The following ULK1 variants were observed in gnomAD, a reference collection of about 807,000 sequenced individuals.
The protein encoded by ULK1 is serine/threonine-protein kinase ULK1.
In ULK1, 48 loss-of-function variants were observed where a neutral mutation model predicts 117.5. The observed-to-expected ratio is 0.41, with a 90% CI of 0.32 to 0.52. The LOEUF is 0.52. Among genes scored for constraint, ULK1 ranks in the 20% least tolerant of loss-of-function variants. ULK1 has a pLI of 0.29. For missense variants in ULK1, 1,387 were observed against 1,473.4 expected, an observed-to-expected ratio of 0.94 and a Z score of 0.96; for synonymous variants, 790 against 637.8, an observed-to-expected ratio of 1.24 and a Z score of -3.60.
Position 131,917,458 on chromosome 12 carries a change from G to GCTGCAC in ULK1, c.2230_2231insCTGCAC (p.Gly744delinsAlaAlaArg). 1 of 1,531,568 alleles carries GCTGCAC rather than the reference G, an allele frequency of 6.5e-7. No homozygotes were observed. Among genetic ancestry groups the GCTGCAC allele is most frequent in the Non-Finnish European group, 8.8e-7 (1 of 1,140,008 alleles). 94.9% of individuals were successfully genotyped at this position (1,531,568 alleles called of 1,614,324 possible). Reference sequence around the variant, plus strand: ...GAGCCTGCACCCAGGAGCCCGTGCTGGGGGCACCAGCAGCCCTTCCCCGGT... The same window carrying GCTGCAC: ...GAGCCTGCACCCAGGAGCCCGTGCTGCTGCACGGGGCACCAGCAGCCCTTCCCCGGT... On this transcript the variant is annotated protein_altering_variant, in exon 22 of 28. Transcript: ENST00000321867.
chr12:131,908,863 G>C lies in ULK1; in HGVS notation c.491-35G>C, dbSNP rs370336430. Reference sequence around the variant, plus strand: ...GCGGGCCCGGCGGGGAGGGGCTCCGGGGCCGGCGCCGGTCCTGACGCTTCT... The same window carrying C: ...GCGGGCCCGGCGGGGAGGGGCTCCGCGGCCGGCGCCGGTCCTGACGCTTCT... On this transcript the variant is annotated intron_variant, in intron 6 of 27. Coordinates refer to ENST00000321867, the MANE Select transcript of ULK1 (RefSeq NM_003565.4). 1.4e-5 allele frequency: 23 copies of C among 1,607,066 alleles called. No individual in the cohort carries two copies. In the African/African-American group the frequency reaches 2.7e-4, roughly 19 times the overall value.
chr12:131,916,388 G>A lies in ULK1; in HGVS notation c.1879-10G>A, dbSNP rs1348728189. The A allele has an allele frequency of 1.3e-6, 2 of 1,555,916 alleles. No homozygotes were observed. The highest frequency in any genetic ancestry group is 1.2e-5 in the South Asian group (1 of 84,080). Reference sequence around the variant, plus strand: ...GCGGGGCAGTCTTCACCCCATCTCTGTCCTCCTAGGCTGTGCCCTCCTTTG... The same window carrying A: ...GCGGGGCAGTCTTCACCCCATCTCTATCCTCCTAGGCTGTGCCCTCCTTTG... On this transcript the variant is annotated splice_polypyrimidine_tract_variant and intron_variant, in intron 19 of 27. Coordinates refer to ENST00000321867, the MANE Select transcript of ULK1 (RefSeq NM_003565.4).
chr12:131,907,568 G>T, intron 5 of ULK1, 37 bp downstream of exon 5: 3 of 1,599,038 alleles, frequency 1.9e-6, no homozygotes, highest in South Asian at 1.1e-5. Context: ...CTGCCAGCCG[G>T]TCCCACAGGG....
At chr12:131,896,319 A>G (rs1888868503) in intron 3 of ULK1, among the ~76,000 whole-genome samples, 1 of 152,084 alleles carries the variant, frequency 6.6e-6, no homozygotes, top group Non-Finnish European at 1.5e-5. Context: ...TGGCTGGCCA[A>G]GGAGATGACC....
chr12:131,917,493 C>A lies in ULK1; in HGVS notation c.2265C>A (p.Thr755=), dbSNP rs376618136. The A allele has an allele frequency of 6.7e-7, 1 of 1,498,248 alleles. No individual in the cohort carries two copies. 92.8% of individuals were successfully genotyped at this position (1,498,248 alleles called of 1,614,324 possible). ...GTSSPSPVVF[T]VGSPPSGSTP... ...GCAGCCCTTCCCCGGTGGTCTTCAC[C>A]GTGGGCTCTCCCCCGAGCGGGAGCA... Residue 755 remains threonine, a synonymous_variant, in exon 22 of 28, where the codon ACC becomes ACA. Coordinates refer to ENST00000321867, the MANE Select transcript of ULK1 (RefSeq NM_003565.4).
chr12:131,909,933 C>T lies in ULK1; in HGVS notation c.740C>T (p.Thr247Ile). 8 of 1,612,102 alleles carry T rather than the reference C, an allele frequency of 5.0e-6. No individual in the cohort carries two copies. Among genetic ancestry groups the T allele is most frequent in the South Asian group, 2.2e-5 (2 of 91,054 alleles). ...KTLVPTIPRE[T>I]SAPLRQLLLA... ...TCTTGCCCCAGCATCCCCCGGGAGA[C>T]CTCGGCCCCGCTGCGGCAGCTGCTC... The change falls in exon 10 of 28, where the codon ACC becomes ATC. Residue 247 changes from threonine (T) to isoleucine (I), a missense_variant. Coordinates refer to ENST00000321867, the MANE Select transcript of ULK1 (RefSeq NM_003565.4).
At chr12:131,910,327 G>C (rs752938088) in intron 11 of ULK1, 23 bp downstream of exon 11, 1 of 1,613,372 alleles carries the variant, frequency 6.2e-7, no homozygotes, top group African/African-American at 1.3e-5. Flanking sequence ...GGGTCCTGGG[G>C]CTCCGCATGG....
At chr12:131,908,347 C>T (rs1028918031) in intron 5 of ULK1, among the ~76,000 whole-genome samples, 5 of 152,138 alleles carry the variant, frequency 3.3e-5, no homozygotes, top group Non-Finnish European at 7.4e-5. Context: ...GGAGCGGGAC[C>T]CGGGCGGAAC....
At chr12:131,920,249 C>T in intron 26 of ULK1, 113 bp downstream of exon 26, 1 of 1,360,084 alleles carries the variant, frequency 7.4e-7, no homozygotes, top group Non-Finnish European at 9.9e-7. Flanking sequence ...GGGGGTGTCA[C>T]TTCTGGAGGT....
intron 5 of ULK1, 60 bp downstream of exon 5, chr12:131,907,591 G>T: frequency 6.4e-7 from 1 of 1,570,800 alleles, no homozygotes; most frequent in Admixed American, 1.8e-5. Flanking sequence ...CGCACCCAGG[G>T]CCACACTGGC....
chr12:131,915,375 C>G lies in ULK1; in HGVS notation c.1563C>G (p.Pro521=). The change falls in exon 18 of 28, where the codon CCC becomes CCG. Residue 521 remains proline (P), a synonymous_variant. Transcript: ENST00000321867. ...AGCGGCCAGGCTGGAGCGGGACGCC[C>G]TCCCCACAGGGAGCTGAGATGCGGG... The part of the protein sequence containing the change: ...IPERPGWSGT[P]SPQGAEMRGG... 6.2e-7 allele frequency: 1 copy of G among 1,612,834 alleles called. No homozygotes were observed. Among genetic ancestry groups the G allele is most frequent in the Non-Finnish European group, 8.5e-7 (1 of 1,179,988 alleles).
At chr12:131,912,124 C>T in intron 13 of ULK1, 35 bp downstream of exon 13, 1 of 1,596,636 alleles carries the variant, frequency 6.3e-7, no homozygotes, top group South Asian at 1.1e-5. Flanking sequence ...GGTGACGCCT[C>T]AGGTGCGGCG....
intron 25 of ULK1, 45 bp downstream of exon 25, chr12:131,919,635 A>C (rs994313830): frequency 1.3e-5 from 20 of 1,592,262 alleles, no homozygotes; most frequent in East Asian, 2.2e-5. Flanking sequence ...TTGGGGAGGA[A>C]GCCCACCTTG....
At chr12:131,907,646 G>A in intron 5 of ULK1, 115 bp downstream of exon 5, 1 of 1,304,508 alleles carries the variant, frequency 7.7e-7, no homozygotes, top group East Asian at 2.6e-5. Context: ...TTGGCTCATT[G>A]TGAGATTGGC....
rs138390533 is a variant in ULK1, at chr12:131,911,951, G to A, written c.958G>A (p.Glu320Lys). The A allele has an allele frequency of 1.8e-4, 291 of 1,612,728 alleles. 1 individual carries two copies. The highest frequency in any genetic ancestry group is 2.2e-4 in the Non-Finnish European group (260 of 1,179,980). The change falls in exon 13 of 28, where the codon GAG becomes AAG. Residue 320 changes from glutamate (E) to lysine (K), a missense_variant. By Grantham distance (56) the Glu-to-Lys change is moderately conservative (BLOSUM62 1). Around this residue, in one of 4 missense-constraint regions of ULK1, gnomAD observed 260 missense variants for 271.6 expected, o/e 0.96. Transcript: ENST00000321867. ...CTCCGTTGACTCTCAGTCCCTGGGC[G>A]AGATGCAGCAGCTGCAGAAGACCCT... ...SHLASPPSLG[E>K]MQQLQKTLAS...
intron 22 of ULK1, among the ~76,000 whole-genome samples, chr12:131,917,846 A>G (rs1371983337): frequency 6.6e-6 from 1 of 152,222 alleles, no homozygotes; most frequent in Non-Finnish European, 1.5e-5. Context: ...TGTCTGGATC[A>G]TGGCCTCCTT....
At chr12:131,907,259 G>A (rs1011657525) in intron 4 of ULK1, among the ~76,000 whole-genome samples, 9 of 152,176 alleles carry the variant, frequency 5.9e-5, no homozygotes, top group Non-Finnish European at 1.0e-4. Flanking sequence ...GACTTCAAGC[G>A]ATCTGCCCAC....
chr12:131,917,246 G>GGGA, intron 21 of ULK1, among the ~76,000 whole-genome samples, 165 bp from the exon 22 acceptor site: 1 of 101,810 alleles, frequency 9.8e-6, no homozygotes, highest in Non-Finnish European at 2.3e-5. Flanking sequence ...GGTCGGGTTC[G>GGGA]GCTCGGAGGC....
intron 13 of ULK1, 111 bp downstream of exon 13, chr12:131,912,200 A>G: frequency 1.4e-6 from 2 of 1,449,344 alleles, no homozygotes; most frequent in Non-Finnish European, 1.8e-6. Context: ...GGCAGTTAGG[A>G]TGGGCCCCTG....
Sources: allele counts gnomAD v4.1 joint callset (sites outside exome capture counted in the v4.1 genomes callset), GRCh38; gene constraint gnomAD v4.1.1; regional missense constraint gnomAD v4.1.1; transcripts MANE v1.5; gene names NCBI Gene and HGNC (gene_info 2026-07-23, HGNC 2026-07-21).